The following YWHAZ variants were observed in gnomAD, a reference collection of about 807,000 sequenced individuals.
YWHAZ encodes the protein 14-3-3 protein zeta/delta.
For synonymous variants in YWHAZ, 87 were observed against 103.6 expected (o/e 0.84, Z 0.97); for missense variants, 79 against 284.8 (o/e 0.28, Z 5.20).
rs1451221092 is a variant in YWHAZ, at chr8:100,918,035, T to C, written c.*2658A>G. 1 of 152,032 alleles carries C rather than the reference T, an allele frequency of 6.6e-6. No individual in the cohort carries two copies. Among genetic ancestry groups the C allele is most frequent in the Non-Finnish European group, 1.5e-5 (1 of 67,996 alleles). 9.4% of individuals were successfully genotyped at this position (152,032 alleles called of 1,614,324 possible). ...GGCAAATGTGCCAAGTTTCAGGTTT[T>C]ATTTACTTGAATAATATCACATCTC... On this transcript the variant is annotated 3_prime_UTR_variant, in exon 6 of 6. Coordinates refer to ENST00000395958, the MANE Select transcript of YWHAZ (RefSeq NM_145690.3).
intron 2 of YWHAZ, among the ~76,000 whole-genome samples, chr8:100,943,246 T>C (rs578215299): frequency 3.3e-5 from 5 of 152,220 alleles, no homozygotes; most frequent in Non-Finnish European, 5.9e-5. Context: ...ATTCTCTATG[T>C]GGAACTGTCA....
chr8:100,950,096 G>A (rs1227136552), intron 1 of YWHAZ, among the ~76,000 whole-genome samples: 1 of 152,092 alleles, frequency 6.6e-6, no homozygotes, highest in African/African-American at 2.4e-5. Flanking sequence ...AGAACAGGTC[G>A]CCACATTTTA....
At chr8:100,931,745 T>C (rs759578757) in intron 2 of YWHAZ, among the ~76,000 whole-genome samples, 1 of 152,082 alleles carries the variant, frequency 6.6e-6, no homozygotes, top group African/African-American at 2.4e-5. Context: ...TGCTCAGTTA[T>C]GTGAAAATAA....
chr8:100,920,792 G>A, intron 5 of YWHAZ, 40 bp from the exon 6 acceptor site: 1 of 1,003,964 alleles, frequency 1.0e-6, no homozygotes, highest in South Asian at 1.4e-5. Context: ...AGTTTCAGTG[G>A]GATGGGGGGG....
rs139159309 is a variant in YWHAZ at position 100,931,783 on chromosome 8, C to G, written c.295-6744G>C. On this transcript the variant is annotated intron_variant, in intron 2 of 5. Coordinates refer to ENST00000395958, the MANE Select transcript of YWHAZ (RefSeq NM_145690.3). ...TATGGAGATTCTGACATTCAAAAATCTGCTTTAGTGCTCTTGTACTCTTAA... is the reference window on the plus strand; with the variant it reads ...TATGGAGATTCTGACATTCAAAAATGTGCTTTAGTGCTCTTGTACTCTTAA... Among the ~76,000 whole-genome samples the G allele has an allele frequency of 2.4e-4, 36 of 152,066 alleles. No homozygotes were observed. The East Asian group carries it at 7.0e-3, about 29-fold the overall frequency.
chr8:100,945,612 C>T (rs934135737), intron 2 of YWHAZ, among the ~76,000 whole-genome samples: 3 of 151,966 alleles, frequency 2.0e-5, no homozygotes, highest in Non-Finnish European at 4.4e-5. Context: ...AATATTTTTA[C>T]TAATCATTAA....
chr8:100,933,599 T>C (rs908623820), intron 2 of YWHAZ, among the ~76,000 whole-genome samples: 1 of 152,216 alleles, frequency 6.6e-6, no homozygotes, highest in Non-Finnish European at 1.5e-5. Context: ...ATGTTCTCCC[T>C]AAAGCTAATT....
At chr8:100,931,909 A>T (rs1169607854) in intron 2 of YWHAZ, 5 of 152,238 alleles carry the variant, frequency 3.3e-5, no homozygotes, top group Non-Finnish European at 5.9e-5. Flanking sequence ...GGATTAAGAC[A>T]TATCAAAGAA....
intron 2 of YWHAZ, chr8:100,947,940 A>C: frequency 1.8e-6 from 1 of 570,756 alleles, no homozygotes; most frequent in Non-Finnish European, 2.9e-6. Context: ...AAATTAACCA[A>C]AATGTAGTTT....
At chr8:100,927,202 G>A (rs1213713201) in intron 2 of YWHAZ, among the ~76,000 whole-genome samples, 4 of 152,148 alleles carry the variant, frequency 2.6e-5, no homozygotes, top group African/African-American at 9.7e-5. Flanking sequence ...GTAGAGACAA[G>A]GCTATCATTC....
At chr8:100,953,367 G>C (rs1736089054), upstream of YWHAZ, 1 of 985,616 alleles carries the variant, frequency 1.0e-6, no homozygotes, top group Non-Finnish European at 1.2e-6. Context: ...GAGCCGGGAC[G>C]GGAGCCCGGA....
chr8:100,942,970 C>T (rs1363739331), intron 2 of YWHAZ, among the ~76,000 whole-genome samples: 2 of 152,150 alleles, frequency 1.3e-5, no homozygotes, highest in African/African-American at 4.8e-5. Flanking sequence ...TGGCAATGTG[C>T]ACTTTTCTGA....
rs1812805548 is a variant in YWHAZ at position 100,918,420 on chromosome 8, ATATATATATATATATATATATAT to A, written c.*2250_*2272del. On this transcript the variant is annotated 3_prime_UTR_variant, in exon 6 of 6. Coordinates refer to ENST00000395958, the MANE Select transcript of YWHAZ (RefSeq NM_145690.3). ...AAATATAATTACTTTATATATATAT[ATATATATATATATATATATATAT>A]AATTATTTTACCTCCTTGGCTTGGG... The A allele has an allele frequency of 1.2e-5, 1 of 82,466 alleles. No homozygotes were observed. Among genetic ancestry groups the A allele is most frequent in the East Asian group, 4.0e-4 (1 of 2,470 alleles). The allele number at this position is 82,466 out of a possible 1,614,324, so 5.1% of individuals were successfully genotyped here.
intron 2 of YWHAZ, among the ~76,000 whole-genome samples, chr8:100,936,811 A>AACAAACAAACAAAAAGG (rs1814179556): frequency 6.6e-6 from 1 of 152,108 alleles, no homozygotes; most frequent in African/African-American, 2.4e-5. Context: ...TCTCAAAACA[A>AACAAACAAACAAAAAGG]ACAAACAAAC....
chr8:100,928,541 G>A (rs539287660), intron 2 of YWHAZ, among the ~76,000 whole-genome samples: 2 of 151,974 alleles, frequency 1.3e-5, no homozygotes, highest in Non-Finnish European at 2.9e-5. Flanking sequence ...AGACCAGCCT[G>A]GCCAACACGG....
At chr8:100,921,924 G>T (rs1813051690) in intron 5 of YWHAZ, among the ~76,000 whole-genome samples, 1 of 152,132 alleles carries the variant, frequency 6.6e-6, no homozygotes, top group African/African-American at 2.4e-5. Flanking sequence ...GAGGGGAAGG[G>T]GAAAATACAC....
In YWHAZ at chr8:100,948,061, A is replaced by T; in HGVS notation, c.294+535T>A. On this transcript the variant is annotated intron_variant, in intron 2 of 5. Transcript: ENST00000395958. The surrounding 1 kb of genome is among the most constrained non-coding windows in gnomAD (Gnocchi z 4.2). ...TTCATAACCTTTCATCATGGTTGTG[A>T]GTGTTCAAAATTTACCTTCAAGAAT... is the stretch of plus-strand genomic sequence containing the variant. 2 of 1,523,384 alleles carry T rather than the reference A, an allele frequency of 1.3e-6. No individual in the cohort carries two copies. Among genetic ancestry groups the T allele is most frequent in the Non-Finnish European group, 8.8e-7 (1 of 1,138,176 alleles). 94.4% of individuals were successfully genotyped at this position (1,523,384 alleles called of 1,614,324 possible).
chr8:100,939,059 C>T (rs1362080062), intron 2 of YWHAZ, among the ~76,000 whole-genome samples: 1 of 152,188 alleles, frequency 6.6e-6, no homozygotes, highest in South Asian at 2.1e-4. Context: ...AACAAGAAAT[C>T]TGGCAAAGCA....
rs191755037 is a variant in YWHAZ at position 100,919,448 on chromosome 8, C to G, written c.*1245G>C. ...TACATTTTTTTCTAATCAATCCCCC[C>G]CTCTCCCAGAAAAAATAGGAACTCA... On this transcript the variant is annotated 3_prime_UTR_variant, in exon 6 of 6. Coordinates refer to ENST00000395958, the MANE Select transcript of YWHAZ (RefSeq NM_145690.3). The G allele has an allele frequency of 6.6e-6, 1 of 152,528 alleles. No individual in the cohort carries two copies. Among genetic ancestry groups the G allele is most frequent in the Admixed American group, 6.5e-5 (1 of 15,282 alleles). 9.4% of individuals were successfully genotyped at this position (152,528 alleles called of 1,614,324 possible).
Sources: gnomAD v4.1 joint callset for allele counts (sites outside exome capture counted in the v4.1 genomes callset) on GRCh38, gnomAD v4.1.1 for gene constraint, Gnocchi (gnomAD v3.1) non-coding constraint, MANE v1.5 for transcripts, NCBI Gene and HGNC (gene_info 2026-07-23, HGNC 2026-07-21) for gene names.